Variants in NKAIN3 observed in about 807,000 individuals in gnomAD.
NKAIN3 encodes the protein sodium/potassium-transporting ATPase subunit beta-1-interacting protein 3.
Under a neutral mutation model 30.2 loss-of-function variants are expected in NKAIN3, and 25 were observed. The observed-to-expected ratio is 0.83, with a 90% confidence interval of 0.60 to 1.16. The LOEUF (loss-of-function observed/expected upper bound fraction) is 1.16, where lower values mean the gene tolerates loss of function less well. Among genes scored for constraint, NKAIN3 ranks in the 50% most tolerant of loss-of-function variants. The pLI, the probability that NKAIN3 is intolerant of heterozygous loss-of-function variation, is 0.00. For synonymous variants in NKAIN3, 91 were observed against 89.6 expected, an observed-to-expected ratio of 1.02 and a Z score of -0.09; for missense variants, 225 against 254.1, an observed-to-expected ratio of 0.89 and a Z score of 0.78.
chr8:62,666,650 G>A (rs1217040321), intron 3 of NKAIN3, among the ~76,000 whole-genome samples: 4 of 152,032 alleles, frequency 2.6e-5, no homozygotes, highest in African/African-American at 7.2e-5. Flanking sequence ...CTCAGGTAAC[G>A]AAGGACCTGG....
intron 4 of NKAIN3, among the ~76,000 whole-genome samples, chr8:62,753,515 G>A (rs1223906155): frequency 6.6e-6 from 1 of 151,910 alleles, no homozygotes; most frequent in Non-Finnish European, 1.5e-5. Context: ...TTAATTCAAT[G>A]AACAATATGA....
At chr8:62,872,548 G>A (rs139868846) in intron 4 of NKAIN3, among the ~76,000 whole-genome samples, 2 of 152,318 alleles carry the variant, frequency 1.3e-5, no homozygotes, top group East Asian at 3.9e-4. Flanking sequence ...TCCTGCCCAA[G>A]CATTAGAATC....
chr8:62,691,929 C>A (rs2130444962), intron 3 of NKAIN3, among the ~76,000 whole-genome samples: 1 of 152,294 alleles, frequency 6.6e-6, no homozygotes, highest in Non-Finnish European at 1.5e-5. Flanking sequence ...TTAAATTATT[C>A]ATGTGTCCAT....
chr8:62,338,020 T>A (rs1815621893), intron 1 of NKAIN3, among the ~76,000 whole-genome samples: 1 of 152,066 alleles, frequency 6.6e-6, no homozygotes, highest in Non-Finnish European at 1.5e-5. Context: ...TCTCAGTGGC[T>A]TCTTTGATAG....
intron 3 of NKAIN3, among the ~76,000 whole-genome samples, chr8:62,657,460 A>G (rs1022801847): frequency 1.3e-5 from 2 of 152,218 alleles, no homozygotes; most frequent in African/African-American, 4.8e-5. Flanking sequence ...ACAAATATGT[A>G]AGCAATCTTC....
At position 62,942,742 on chromosome 8, in the gene NKAIN3, C is replaced by T. The variant is rs1823003501; in HGVS notation, c.533-11160C>T. Among the ~76,000 whole-genome samples the T allele has an allele frequency of 2.0e-5, 3 of 152,078 alleles. No individual in the cohort carries two copies. The South Asian group carries it at 6.2e-4, about 31-fold the overall frequency. On this transcript the variant is annotated intron_variant, in intron 5 of 6. Coordinates refer to ENST00000623646, the MANE Select transcript of NKAIN3 (RefSeq NM_001304533.3). ...AACAAAGCCAAATACTTACAGCCAA[C>T]TGATCTTCGACAAAGCAAACAAAAA... is the stretch of plus-strand genomic sequence containing the variant.
intron 4 of NKAIN3, among the ~76,000 whole-genome samples, chr8:62,767,492 A>G (rs1816878740): frequency 6.6e-6 from 1 of 152,164 alleles, no homozygotes; most frequent in African/African-American, 2.4e-5. Flanking sequence ...AGTTATGCTC[A>G]ACCCAGCTCT....
chr8:62,327,435 AT>A (rs1200154906), intron 1 of NKAIN3, among the ~76,000 whole-genome samples: 1 of 152,028 alleles, frequency 6.6e-6, no homozygotes, highest in Non-Finnish European at 1.5e-5. Context: ...TCTTCTAAGA[AT>A]TTCATAGGTT....
At position 62,503,492 on chromosome 8, in the gene NKAIN3, G is replaced by A. The variant is rs959177365; in HGVS notation, c.55-76047G>A. 2.6e-5 allele frequency among the ~76,000 whole-genome samples: 4 copies of A among 152,084 alleles called. No homozygotes were observed. The South Asian group carries it at 8.3e-4, about 32-fold the overall frequency. On this transcript the variant is annotated intron_variant, in intron 1 of 6. Transcript: ENST00000623646. ...AAACAGGGTTCGAGAGCAGAGAACT[G>A]GTCTGACCTCAGATTTACCAGGGCT...
intron 5 of NKAIN3, among the ~76,000 whole-genome samples, chr8:62,919,204 ACTT>A (rs1822197787): frequency 8.1e-6 from 1 of 123,288 alleles, no homozygotes; most frequent in Non-Finnish European, 1.7e-5. Context: ...TTAGGGACTC[ACTT>A]TTTTTTATTT....
At chr8:62,919,544 CTACTTTCAAAATTTTAATT>C (rs1425258033) in intron 5 of NKAIN3, among the ~76,000 whole-genome samples, 27 of 152,046 alleles carry the variant, frequency 1.8e-4, no homozygotes, top group African/African-American at 4.8e-4. Context: ...CATGCCCAGC[CTACTTTCAAAATTTTAATT>C]TACTTTCAAA....
intron 5 of NKAIN3, among the ~76,000 whole-genome samples, chr8:62,950,207 C>T (rs971111249): frequency 1.2e-4 from 19 of 152,096 alleles, no homozygotes; most frequent in African/African-American, 4.3e-4. Context: ...TTTTAAAGCA[C>T]TTGATGTCAT....
chr8:62,643,091 C>G (rs1236306897), intron 3 of NKAIN3, among the ~76,000 whole-genome samples: 2 of 151,874 alleles, frequency 1.3e-5, no homozygotes. Flanking sequence ...CTTTTTTTGG[C>G]CTTTCTTTAA....
chr8:62,278,158 A>T lies in NKAIN3; in HGVS notation c.54+29031A>T, dbSNP rs545633426. Among the ~76,000 whole-genome samples the T allele has an allele frequency of 3.3e-5, 5 of 152,268 alleles. No homozygotes were observed. In the East Asian group the frequency reaches 9.7e-4, roughly 29 times the overall value. On this transcript the variant is annotated intron_variant, in intron 1 of 6. Coordinates refer to ENST00000623646, the MANE Select transcript of NKAIN3 (RefSeq NM_001304533.3). The stretch of plus-strand genomic sequence containing the variant: ...TGAGACTCTGTGGAGCCTCTCCTAG[A>T]AAAGCTGCTGCAGGATGGAGAGCTG...
chr8:62,762,735 A>G (rs967389649), intron 4 of NKAIN3, among the ~76,000 whole-genome samples: 10 of 152,272 alleles, frequency 6.6e-5, no homozygotes, highest in African/African-American at 2.4e-4. Context: ...TAGGTAAAGG[A>G]AAAAAGAGGA....
chr8:62,456,474 G>C (rs1030492777), intron 1 of NKAIN3, among the ~76,000 whole-genome samples: 1 of 151,826 alleles, frequency 6.6e-6, no homozygotes, highest in Non-Finnish European at 1.5e-5. Flanking sequence ...AGCCGAGATG[G>C]CGCCACTGCA....
intron 3 of NKAIN3, among the ~76,000 whole-genome samples, chr8:62,598,429 T>C (rs1701556589): frequency 6.6e-6 from 1 of 151,878 alleles, no homozygotes; most frequent in Non-Finnish European, 1.5e-5. Context: ...AGAGGGAGGG[T>C]GGGGACATAA....
rs1279963593 is a variant in NKAIN3, at chr8:62,968,676, C to G, written c.*3269C>G. 3.3e-5 allele frequency among the ~76,000 whole-genome samples: 5 copies of G among 152,176 alleles called. No homozygotes were observed. The highest frequency in any genetic ancestry group is 7.3e-5 in the Non-Finnish European group (5 of 68,038). ...GTGAACATTTAAAGCCAGTGTTTTT[C>G]CTCTTGGAGCCACCTTAGCACTGAG... is the stretch of plus-strand genomic sequence containing the variant. On this transcript the variant is annotated 3_prime_UTR_variant, in exon 7 of 7. Coordinates refer to ENST00000623646, the MANE Select transcript of NKAIN3 (RefSeq NM_001304533.3).
chr8:62,678,749 AT>A (rs1813559014), intron 3 of NKAIN3, among the ~76,000 whole-genome samples: 1 of 151,544 alleles, frequency 6.6e-6, no homozygotes, highest in South Asian at 2.1e-4. Flanking sequence ...TTTATCAAAA[AT>A]ATCTAGAAAA....
Sources: allele counts gnomAD v4.1 joint callset (sites outside exome capture counted in the v4.1 genomes callset), GRCh38; gene constraint gnomAD v4.1.1; transcripts MANE v1.5; gene names NCBI Gene and HGNC (gene_info 2026-07-23, HGNC 2026-07-21).